The following GABRB3 variants were observed in gnomAD, a reference collection of about 807,000 sequenced individuals.
GABRB3 encodes the protein gamma-aminobutyric acid type A receptor subunit beta3.
In GABRB3, 14 loss-of-function variants were observed where a neutral mutation model predicts 52.1. That is an observed-to-expected ratio of 0.27 (90% confidence interval 0.18 to 0.42). GABRB3 has a LOEUF of 0.42. GABRB3 is among the 10% of genes least tolerant of loss of function. The pLI is 1.00. For synonymous variants in GABRB3, 260 were observed against 232.3 expected (o/e 1.12, Z -1.08); for missense variants, 307 against 609.1 (o/e 0.50, Z 5.22).
intron 3 of GABRB3, among the ~76,000 whole-genome samples, chr15:26,713,498 G>A (rs1230370783): frequency 6.6e-6 from 1 of 152,156 alleles, no homozygotes; most frequent in African/African-American, 2.4e-5. Flanking sequence ...GGGTTCAGGA[G>A]TAAGGAGAGA....
intron 3 of GABRB3, among the ~76,000 whole-genome samples, chr15:26,646,076 C>G (rs1211167411): frequency 6.6e-6 from 1 of 151,818 alleles, no homozygotes; most frequent in Non-Finnish European, 1.5e-5. Context: ...ATTTACACAC[C>G]AAAAATTTCA....
At chr15:26,719,129 T>C (rs932654451) in intron 3 of GABRB3, among the ~76,000 whole-genome samples, 2 of 152,262 alleles carry the variant, frequency 1.3e-5, no homozygotes, top group African/African-American at 4.8e-5. Flanking sequence ...TTGTAATTAT[T>C]CCTGCCATGT....
At chr15:26,577,889 C>A (rs945713303) in intron 6 of GABRB3, among the ~76,000 whole-genome samples, 1 of 152,166 alleles carries the variant, frequency 6.6e-6, no homozygotes, top group Non-Finnish European at 1.5e-5. Flanking sequence ...TGGGTTCAAG[C>A]GATCCTCCCA....
chr15:26,590,741 T>C (rs1365665826), intron 4 of GABRB3, among the ~76,000 whole-genome samples: 1 of 152,132 alleles, frequency 6.6e-6, no homozygotes, highest in Non-Finnish European at 1.5e-5. Flanking sequence ...GCTGGGAAAA[T>C]GATTGTGGTA....
chr15:26,605,078 T>C (rs1891734037), intron 4 of GABRB3, among the ~76,000 whole-genome samples: 1 of 151,976 alleles, frequency 6.6e-6, no homozygotes, highest in Non-Finnish European at 1.5e-5. Context: ...TAGAACAAAG[T>C]GTCATTAATT....
intron 3 of GABRB3, among the ~76,000 whole-genome samples, chr15:26,761,695 A>G (rs1362425170): frequency 6.6e-6 from 1 of 152,024 alleles, no homozygotes; most frequent in Admixed American, 6.6e-5. Context: ...CCCAGGAGGA[A>G]TCTCCAGGTA....
rs1385373718 is a variant in GABRB3, at chr15:26,621,224, T to C, written c.461+90A>G. 9 of 1,016,554 alleles carry C rather than the reference T, an allele frequency of 8.9e-6. No homozygotes were observed. Among genetic ancestry groups the C allele is most frequent in the South Asian group, 2.5e-5 (2 of 78,826 alleles). 63.0% of individuals were successfully genotyped at this position (1,016,554 alleles called of 1,614,324 possible). On this transcript the variant is annotated intron_variant, in intron 4 of 8. Coordinates refer to ENST00000311550, the MANE Select transcript of GABRB3 (RefSeq NM_000814.6). This position sits in a 1 kb window ranked among gnomAD's most constrained non-coding sequence, Gnocchi z 4.1. The stretch of plus-strand genomic sequence containing the variant: ...ATGCTTCCTAATTTATCTGAGGTCA[T>C]TGCCTCACTTACAATAATCATCTCA...
intron 3 of GABRB3, among the ~76,000 whole-genome samples, chr15:26,735,691 G>A (rs900905227): frequency 1.3e-5 from 2 of 152,198 alleles, no homozygotes; most frequent in African/African-American, 4.8e-5. Flanking sequence ...GCTCATGTCT[G>A]TAACCCCAGC....
At chr15:26,688,698 T>A (rs188312145) in intron 3 of GABRB3, among the ~76,000 whole-genome samples, 1 of 152,208 alleles carries the variant, frequency 6.6e-6, no homozygotes, top group African/African-American at 2.4e-5. Context: ...ATTGGTTCTA[T>A]GGGACAGGAA....
intron 3 of GABRB3, among the ~76,000 whole-genome samples, chr15:26,634,302 CA>C (rs1460468733): frequency 6.6e-6 from 1 of 152,146 alleles, no homozygotes; most frequent in Admixed American, 6.5e-5. Flanking sequence ...CAAATTAACT[CA>C]CTGTCTTCGT....
At chr15:26,705,519 C>T (rs1440643352) in intron 3 of GABRB3, among the ~76,000 whole-genome samples, 1 of 152,152 alleles carries the variant, frequency 6.6e-6, no homozygotes, top group African/African-American at 2.4e-5. Context: ...TATAATGAAA[C>T]TCTATTCACC....
At chr15:26,554,161 G>GAGTA (rs1555400842) in intron 8 of GABRB3, among the ~76,000 whole-genome samples, 3 of 21,264 alleles carry the variant, frequency 1.4e-4, no homozygotes, top group African/African-American at 2.0e-4. Context: ...TATATATAAA[G>GAGTA]TATATATATA....
At position 26,624,855 on chromosome 15, in the gene GABRB3, G is replaced by A; in HGVS notation, c.241-3321C>T. 3.0e-6 allele frequency: 3 copies of A among 985,430 alleles called. No homozygotes were observed. In the African/African-American group the frequency reaches 5.2e-5, roughly 17 times the overall value. The allele number at this position is 985,430 out of a possible 1,614,324, so 61.0% of individuals were successfully genotyped here. A position where few individuals can be genotyped will look rare whatever the true frequency, so the allele number is the denominator to read the frequency against. ...GGAGTAGCAAATGCAGGGTTTTCCT[G>A]TTACGGGAGCCATGGTGCCGCTCCT... On this transcript the variant is annotated intron_variant, in intron 3 of 8. Coordinates refer to ENST00000311550, the MANE Select transcript of GABRB3 (RefSeq NM_000814.6).
chr15:26,746,769 C>T (rs564486850), intron 3 of GABRB3, among the ~76,000 whole-genome samples: 5 of 152,138 alleles, frequency 3.3e-5, no homozygotes, highest in East Asian at 1.9e-4. Context: ...GGGCAGATCA[C>T]GAGGTCAGGA....
chr15:26,724,625 T>C (rs1472068517), intron 3 of GABRB3, among the ~76,000 whole-genome samples: 2 of 152,274 alleles, frequency 1.3e-5, no homozygotes, highest in East Asian at 3.9e-4. Context: ...CATCCTCTGC[T>C]TCACCTTTTG....
intron 3 of GABRB3, among the ~76,000 whole-genome samples, chr15:26,756,839 G>C (rs896629989): frequency 1.3e-5 from 2 of 152,032 alleles, no homozygotes; most frequent in African/African-American, 4.8e-5. Flanking sequence ...GAACAGAGCA[G>C]GTGTCTAAGC....
chr15:26,575,234 G>C (rs548591225), intron 6 of GABRB3, among the ~76,000 whole-genome samples: 2 of 152,310 alleles, frequency 1.3e-5, no homozygotes, highest in African/African-American at 4.8e-5. Flanking sequence ...TGTTTCATAT[G>C]TCAGAAGCCC....
chr15:26,661,460 G>A (rs553202271), intron 3 of GABRB3, among the ~76,000 whole-genome samples: 1 of 152,252 alleles, frequency 6.6e-6, no homozygotes, highest in African/African-American at 2.4e-5. Context: ...GCACCTGTAT[G>A]CAAGACCCCT....
chr15:26,720,138 C>T (rs898985336), intron 3 of GABRB3, among the ~76,000 whole-genome samples: 1 of 150,296 alleles, frequency 6.7e-6, no homozygotes, highest in Admixed American at 6.7e-5. Flanking sequence ...CACCTCATGA[C>T]CCCCACTCCT....
Sources: allele counts gnomAD v4.1 joint callset (sites outside exome capture counted in the v4.1 genomes callset), GRCh38; gene constraint gnomAD v4.1.1; non-coding constraint Gnocchi (gnomAD v3.1); transcripts MANE v1.5; gene names NCBI Gene and HGNC (gene_info 2026-07-23, HGNC 2026-07-21).